Variants in SLC4A4 observed in about 807,000 individuals in gnomAD.
The protein encoded by SLC4A4 is solute carrier family 4 member 4, also known as electrogenic sodium bicarbonate cotransporter 1.
In SLC4A4, 27 loss-of-function variants were observed where a neutral mutation model predicts 111.5. That is an observed-to-expected ratio of 0.24 (90% CI 0.18 to 0.33). SLC4A4 has a LOEUF of 0.33. Ranked by LOEUF, SLC4A4 falls within the 10% of genes least tolerant of loss-of-function variation. The pLI is 1.00. For missense variants in SLC4A4, 909 were observed against 1,315.5 expected, an observed-to-expected ratio of 0.69 and a Z score of 4.78; for synonymous variants, 443 against 463.4, an observed-to-expected ratio of 0.96 and a Z score of 0.57.
intron 18 of SLC4A4, among the ~76,000 whole-genome samples, chr4:71,535,026 T>C (rs1734285273): frequency 1.3e-5 from 2 of 152,184 alleles, no homozygotes; most frequent in South Asian, 4.1e-4. Context: ...CCAGCTCCAG[T>C]GACTTTTTTA....
intron 1 of SLC4A4, among the ~76,000 whole-genome samples, chr4:71,085,822 C>T (rs139081311): frequency 0.59 from 88,667 of 151,436 alleles, 27,651 homozygotes; most frequent in East Asian, 0.75. Context: ...TAGTATAGTT[C>T]AAAGTCAGGT....
chr4:71,312,906 T>C (rs1447516403), intron 3 of SLC4A4, among the ~76,000 whole-genome samples: 1 of 152,142 alleles, frequency 6.6e-6, no homozygotes, highest in East Asian at 1.9e-4. Context: ...CAACATAGTA[T>C]TGGAATTTCT....
intron 18 of SLC4A4, among the ~76,000 whole-genome samples, chr4:71,536,480 A>T (rs1315779596): frequency 3.0e-5 from 3 of 99,134 alleles, no homozygotes; most frequent in Admixed American, 1.2e-4. Context: ...ATATATATAT[A>T]TATATATGTA....
intron 23 of SLC4A4, among the ~76,000 whole-genome samples, chr4:71,561,678 G>C (rs1736993348): frequency 6.6e-6 from 1 of 151,736 alleles, no homozygotes; most frequent in African/African-American, 2.4e-5. Context: ...TGTTTCCAAT[G>C]ATGACAGAAA....
At chr4:71,172,498 C>A (rs1282028242) in intron 2 of SLC4A4, among the ~76,000 whole-genome samples, 1 of 152,190 alleles carries the variant, frequency 6.6e-6, no homozygotes, top group East Asian at 1.9e-4. Flanking sequence ...TTGTGATCTG[C>A]CCGCCTCAGC....
At chr4:71,144,930 G>A (rs376385188) in intron 2 of SLC4A4, among the ~76,000 whole-genome samples, 22 of 151,988 alleles carry the variant, frequency 1.4e-4, no homozygotes, top group African/African-American at 2.2e-4. Flanking sequence ...CTAATTGAAT[G>A]CCCTTTATTT....
At chr4:71,394,935 AG>A (rs1216316081) in intron 6 of SLC4A4, among the ~76,000 whole-genome samples, 1 of 152,086 alleles carries the variant, frequency 6.6e-6, no homozygotes, top group Non-Finnish European at 1.5e-5. Context: ...GAAGTGTGGG[AG>A]GGGGTGAGGG....
intron 3 of SLC4A4, among the ~76,000 whole-genome samples, chr4:71,263,154 A>C (rs1206361464): frequency 6.6e-6 from 1 of 152,008 alleles, no homozygotes; most frequent in Non-Finnish European, 1.5e-5. Flanking sequence ...TACTTAAAGT[A>C]ATGAGTAAAG....
intron 15 of SLC4A4, among the ~76,000 whole-genome samples, chr4:71,489,037 T>C (rs1054733041): frequency 1.2e-4 from 11 of 92,636 alleles, no homozygotes; most frequent in Non-Finnish European, 2.4e-4. Context: ...GGTAAATGAC[T>C]CAGAAATGAG....
At chr4:71,421,501 A>G (rs1426440332) in intron 7 of SLC4A4, among the ~76,000 whole-genome samples, 1 of 152,250 alleles carries the variant, frequency 6.6e-6, no homozygotes, top group African/African-American at 2.4e-5. Flanking sequence ...AGACATCTAC[A>G]GAACTCTCCA....
intron 2 of SLC4A4, among the ~76,000 whole-genome samples, chr4:71,251,084 T>C (rs374144961): frequency 1.3e-5 from 2 of 152,348 alleles, no homozygotes; most frequent in South Asian, 4.1e-4. Flanking sequence ...CTAATAGATG[T>C]ATCTTACATA....
At chr4:71,157,407 A>G (rs1481716996) in intron 2 of SLC4A4, among the ~76,000 whole-genome samples, 1 of 152,190 alleles carries the variant, frequency 6.6e-6, no homozygotes, top group Non-Finnish European at 1.5e-5. Flanking sequence ...ATTGGAAAAT[A>G]TCTTTTCACC....
At chr4:71,085,788 G>T (rs1266009670) in intron 1 of SLC4A4, among the ~76,000 whole-genome samples, 2 of 152,066 alleles carry the variant, frequency 1.3e-5, no homozygotes, top group Admixed American at 6.6e-5. Flanking sequence ...CCAATACCAT[G>T]CTGTTTTGGT....
intron 7 of SLC4A4, among the ~76,000 whole-genome samples, chr4:71,420,979 A>G (rs963856078): frequency 2.7e-5 from 4 of 148,126 alleles, no homozygotes; most frequent in Non-Finnish European, 4.5e-5. Flanking sequence ...CAATTCACAC[A>G]TAACAATATT....
At chr4:71,411,883 G>A (rs370765697) in intron 7 of SLC4A4, among the ~76,000 whole-genome samples, 53 of 152,312 alleles carry the variant, frequency 3.5e-4, no homozygotes, top group African/African-American at 1.2e-3. Flanking sequence ...AGGGCCGCAT[G>A]AACATCAGAA....
At chr4:71,100,748 G>A (rs896686591) in intron 2 of SLC4A4, among the ~76,000 whole-genome samples, 1 of 152,242 alleles carries the variant, frequency 6.6e-6, no homozygotes, top group South Asian at 2.1e-4. Flanking sequence ...CTTCAGCAAA[G>A]TTTTAGGATA....
chr4:71,179,776 C>G, intron 2 of SLC4A4, among the ~76,000 whole-genome samples: 1 of 152,096 alleles, frequency 6.6e-6, no homozygotes, highest in Non-Finnish European at 1.5e-5. Context: ...GCCATGCTGC[C>G]CAAGGTAATT....
In SLC4A4 at chr4:71,138,991, G is replaced by C. The variant is rs552290468; in HGVS notation, c.-2+46199G>C. ...GCGGAGCTTGCAGTGAGCAGAGATC[G>C]TGCCACTGCACTCCAGCCTGGGCGA... On this transcript the variant is annotated intron_variant, in intron 2 of 26. Coordinates refer to the SLC4A4 transcript ENST00000649996. 2.2e-4 allele frequency among the ~76,000 whole-genome samples: 31 copies of C among 142,624 alleles called. 1 individual carries two copies. The South Asian group carries it at 6.1e-3, about 28-fold the overall frequency. 93.6% of individuals were successfully genotyped at this position (142,624 alleles called of 152,430 possible).
At chr4:71,529,464 G>A (rs1323529586) in intron 16 of SLC4A4, among the ~76,000 whole-genome samples, 4 of 55,936 alleles carry the variant, frequency 7.2e-5, no homozygotes, top group Non-Finnish European at 4.7e-5. Context: ...GGAGTAGTGT[G>A]GCCAAATTAG....
Sources: gnomAD v4.1 joint callset for allele counts (sites outside exome capture counted in the v4.1 genomes callset) on GRCh38, gnomAD v4.1.1 for gene constraint, MANE v1.5 for transcripts, NCBI Gene and HGNC (gene_info 2026-07-23, HGNC 2026-07-21) for gene names.